CLIP2: variants seen among roughly 807,000 people sequenced by gnomAD.
CLIP2 encodes CAP-Gly domain-containing linker protein 2.
CLIP2 carries 41 observed loss-of-function variants against 111.7 expected under a neutral mutation model. The ratio of observed to expected loss-of-function variants is 0.37; its 90% CI spans 0.29 to 0.48. The LOEUF (loss-of-function observed/expected upper bound fraction) is 0.48, where lower values mean the gene tolerates loss of function less well. CLIP2 is among the 20% of genes least tolerant of loss of function. CLIP2 has a pLI of 0.99. For missense variants in CLIP2, 1,160 were observed against 1,422.1 expected, an observed-to-expected ratio of 0.82 and a Z score of 2.96; for synonymous variants, 660 against 644.2, an observed-to-expected ratio of 1.02 and a Z score of -0.37.
At chr7:74,309,559 G>GT (rs1788586963) in intron 1 of CLIP2, among the ~76,000 whole-genome samples, 2 of 151,678 alleles carry the variant, frequency 1.3e-5, no homozygotes, top group African/African-American at 4.8e-5. Flanking sequence ...TTAGCAAAAT[G>GT]TTTTAAACAT....
At chr7:74,320,033 TG>T (rs1788901889) in intron 2 of CLIP2, among the ~76,000 whole-genome samples, 1 of 142,168 alleles carries the variant, frequency 7.0e-6, no homozygotes, top group South Asian at 2.3e-4. Context: ...CTGGCCAACA[TG>T]ATGAAACCCT....
At chr7:74,400,803 T>G (rs1462197089) in intron 15 of CLIP2, among the ~76,000 whole-genome samples, 1 of 148,698 alleles carries the variant, frequency 6.7e-6, no homozygotes, top group Non-Finnish European at 1.5e-5. Context: ...GGAACCCGGG[T>G]CTGAATGGGG....
chr7:74,343,244 G>C (rs1171380703), intron 3 of CLIP2, among the ~76,000 whole-genome samples: 1 of 151,644 alleles, frequency 6.6e-6, no homozygotes, highest in African/African-American at 2.4e-5. Flanking sequence ...GGCCCAGGAA[G>C]GAGGCTGGAC....
intron 3 of CLIP2, among the ~76,000 whole-genome samples, chr7:74,347,338 A>G (rs1234244657): frequency 1.3e-5 from 2 of 152,116 alleles, no homozygotes; most frequent in Non-Finnish European, 2.9e-5. Flanking sequence ...GTGCGACCTC[A>G]GCTCACTGCA....
intron 11 of CLIP2, among the ~76,000 whole-genome samples, chr7:74,383,304 C>T (rs1790997517): frequency 1.3e-5 from 2 of 152,084 alleles, no homozygotes; most frequent in Non-Finnish European, 2.9e-5. Context: ...CCCCCCAACC[C>T]TCATTGATTG....
At chr7:74,324,189 G>A (rs781844870) in intron 2 of CLIP2, among the ~76,000 whole-genome samples, 18 of 151,676 alleles carry the variant, frequency 1.2e-4, no homozygotes, top group African/African-American at 2.7e-4. Context: ...ACAGAGTTTC[G>A]CCATGTTGGT....
chr7:74,346,794 G>C (rs1789811588), intron 3 of CLIP2, among the ~76,000 whole-genome samples: 1 of 151,590 alleles, frequency 6.6e-6, no homozygotes, highest in African/African-American at 2.4e-5. Context: ...AGCACTTTGG[G>C]AAGCTGAGGT....
intron 2 of CLIP2, among the ~76,000 whole-genome samples, chr7:74,330,604 C>A (rs923758579): frequency 1.3e-5 from 2 of 151,988 alleles, no homozygotes; most frequent in Admixed American, 6.6e-5. Flanking sequence ...TTCCTCTTCC[C>A]CTACCCCCAG....
chr7:74,394,634 C>T (rs1188283877), intron 13 of CLIP2, among the ~76,000 whole-genome samples: 1 of 152,208 alleles, frequency 6.6e-6, no homozygotes, highest in African/African-American at 2.4e-5. Context: ...CATCTCCTTT[C>T]CTTCTATACA....
intron 3 of CLIP2, among the ~76,000 whole-genome samples, chr7:74,347,414 G>A (rs1396660462): frequency 2.6e-5 from 4 of 152,080 alleles, no homozygotes; most frequent in Admixed American, 6.6e-5. Flanking sequence ...GACTACAGGT[G>A]CCCGCCACCA....
chr7:74,366,875 CAAAAAAAAA>C (rs35336151), intron 8 of CLIP2, among the ~76,000 whole-genome samples: 1 of 66,134 alleles, frequency 1.5e-5, no homozygotes, highest in African/African-American at 6.8e-5. Flanking sequence ...GACTCCTTCT[CAAAAAAAAA>C]AAAAAAAAAA....
At position 74,397,037 on chromosome 7, in the gene CLIP2, G is replaced by A. The variant is rs782134125; in HGVS notation, c.2721-37G>A. 28 of 1,604,876 alleles carry A rather than the reference G, an allele frequency of 1.7e-5. No individual in the cohort carries two copies. In the South Asian group the frequency reaches 2.7e-4, roughly 15 times the overall value. On this transcript the variant is annotated intron_variant, in intron 13 of 16. Transcript: ENST00000223398. Reference sequence around the variant, plus strand: ...GAGTGTGGGAGCTGGAGGAGCCAGGGCTGAGTGCAGTGGTTCTGTGCCCGC... The same window carrying A: ...GAGTGTGGGAGCTGGAGGAGCCAGGACTGAGTGCAGTGGTTCTGTGCCCGC...
At chr7:74,388,263 T>C (rs530687200) in intron 12 of CLIP2, among the ~76,000 whole-genome samples, 3 of 149,282 alleles carry the variant, frequency 2.0e-5, no homozygotes, top group Non-Finnish European at 3.0e-5. Context: ...ACCCGGGAGG[T>C]AGAGGTTGCA....
intron 7 of CLIP2, among the ~76,000 whole-genome samples, chr7:74,364,010 C>T (rs1164578747): frequency 6.6e-6 from 1 of 152,168 alleles, no homozygotes; most frequent in African/African-American, 2.4e-5. Context: ...TTATTTCCCA[C>T]CACCCTGGGG....
intron 2 of CLIP2, among the ~76,000 whole-genome samples, chr7:74,329,057 G>A (rs1198260665): frequency 2.1e-5 from 3 of 145,016 alleles, no homozygotes; most frequent in African/African-American, 7.6e-5. Context: ...TTAGGCACCC[G>A]CCATCATGCC....
chr7:74,360,192 G>A lies in CLIP2; in HGVS notation c.1233G>A (p.Glu411=), dbSNP rs904357431. ...GGGCCCAGTATGTTGCAGAAGCCGA[G>A]GAGAAGCTGCAGCGAGCCCGGCTGC... is the stretch of plus-strand genomic sequence containing the variant. The part of the protein sequence containing the change: ...AQHEQYVAEA[E]EKLQRARLLV... Residue 411 remains glutamate (E), a synonymous_variant, in exon 7 of 17, where the codon GAG becomes GAA. Coordinates refer to ENST00000223398, the MANE Select transcript of CLIP2 (RefSeq NM_003388.5). 2.5e-6 allele frequency: 4 copies of A among 1,606,126 alleles called. No individual in the cohort carries two copies. Among genetic ancestry groups the A allele is most frequent in the Admixed American group, 3.4e-5 (2 of 58,870 alleles).
chr7:74,310,545 G>T (rs782669211), intron 1 of CLIP2, among the ~76,000 whole-genome samples: 89 of 151,990 alleles, frequency 5.9e-4, no homozygotes, highest in Non-Finnish European at 3.4e-4. Context: ...AAATTAAAAT[G>T]AAAAACAGCT....
chr7:74,311,158 T>G (rs1310882679), intron 1 of CLIP2, among the ~76,000 whole-genome samples: 1 of 152,004 alleles, frequency 6.6e-6, no homozygotes, highest in African/African-American at 2.4e-5. Flanking sequence ...TTTTTGTATT[T>G]TTAGTAGAGA....
intron 3 of CLIP2, among the ~76,000 whole-genome samples, chr7:74,346,827 A>G (rs1789812340): frequency 6.6e-6 from 1 of 151,924 alleles, no homozygotes; most frequent in Non-Finnish European, 1.5e-5. Context: ...TGAGCCCAGC[A>G]GTTCCAGACC....
Sources: gnomAD v4.1 joint callset for allele counts (sites outside exome capture counted in the v4.1 genomes callset) on GRCh38, gnomAD v4.1.1 for gene constraint, MANE v1.5 for transcripts, NCBI Gene and HGNC (gene_info 2026-07-23, HGNC 2026-07-21) for gene names.